MALRD1: variants seen among roughly 807,000 people sequenced by gnomAD.
The protein encoded by MALRD1 is MAM and LDL-receptor class A domain-containing protein 1.
In MALRD1, 247 loss-of-function variants were observed where a neutral mutation model predicts 242.1. The ratio of observed to expected loss-of-function variants is 1.02; its 90% CI spans 0.92 to 1.13. The LOEUF is 1.13. Ranked by LOEUF, MALRD1 falls within the 50% of genes most tolerant of loss-of-function variation. MALRD1 has a pLI of 0.00. For missense variants in MALRD1, 2,989 were observed against 2,533.1 expected (o/e 1.18, Z -3.86); for synonymous variants, 995 against 866.6 (o/e 1.15, Z -2.60).
intron 21 of MALRD1, among the ~76,000 whole-genome samples, chr10:19,296,782 G>A (rs1366422980): frequency 2.0e-5 from 3 of 151,620 alleles, no homozygotes; most frequent in Non-Finnish European, 2.9e-5. Context: ...TGTGATTGAA[G>A]CAATTGTTAA....
chr10:19,627,935 G>A (rs1276934426), intron 36 of MALRD1, among the ~76,000 whole-genome samples: 4 of 151,696 alleles, frequency 2.6e-5, no homozygotes, highest in Non-Finnish European at 5.9e-5. Context: ...GAAAATAAAT[G>A]GTCAACACAC....
At chr10:19,668,462 T>C (rs1244252266) in intron 36 of MALRD1, among the ~76,000 whole-genome samples, 1 of 152,240 alleles carries the variant, frequency 6.6e-6, no homozygotes, top group East Asian at 1.9e-4. Flanking sequence ...TTCAGGGCTT[T>C]AGTCATCAAT....
chr10:19,307,503 A>G (rs1842264386), intron 21 of MALRD1, among the ~76,000 whole-genome samples: 1 of 151,578 alleles, frequency 6.6e-6, no homozygotes, highest in Non-Finnish European at 1.5e-5. Flanking sequence ...CATAAAATAC[A>G]GTTTCAGTGA....
At chr10:19,508,324 C>A (rs1390893965) in intron 31 of MALRD1, among the ~76,000 whole-genome samples, 3 of 151,920 alleles carry the variant, frequency 2.0e-5, no homozygotes, top group Non-Finnish European at 4.4e-5. Context: ...TAAATGTTTC[C>A]TAAGAGTCAG....
At position 19,215,775 on chromosome 10, in the gene MALRD1, ATAAT is replaced by A. The variant is rs1837287554; in HGVS notation, c.2991+6098_2991+6101del. Reference sequence around the variant, plus strand: ...AATTAGTATAAACAAATAATTTAGTATAATTAGTATAAATAAATAGTATATTTAT... The same window carrying A: ...AATTAGTATAAACAAATAATTTAGTATAGTATAAATAAATAGTATATTTAT... On this transcript the variant is annotated intron_variant, in intron 18 of 39. Coordinates refer to ENST00000454679, the MANE Select transcript of MALRD1 (RefSeq NM_001142308.3). 3.9e-5 allele frequency among the ~76,000 whole-genome samples: 2 copies of A among 51,912 alleles called. 1 individual carries two copies. Among genetic ancestry groups the A allele is most frequent in the Non-Finnish European group, 1.1e-4 (2 of 18,766 alleles). The allele number at this position is 51,912 out of a possible 152,430, so 34.1% of individuals were successfully genotyped here.
intron 18 of MALRD1, among the ~76,000 whole-genome samples, chr10:19,237,513 CAT>C (rs34727263): frequency 0.18 from 20,542 of 113,704 alleles, 2,186 homozygotes; most frequent in Admixed American, 0.23. Context: ...TGTGTGTGTC[CAT>C]ATATATATAT....
At chr10:19,641,773 A>AT (rs1454249196) in intron 36 of MALRD1, among the ~76,000 whole-genome samples, 7 of 152,180 alleles carry the variant, frequency 4.6e-5, no homozygotes, top group Admixed American at 2.0e-4. Context: ...AGCAGCATAA[A>AT]TTTAATTACA....
At chr10:19,315,105 A>C (rs1486668030) in intron 21 of MALRD1, among the ~76,000 whole-genome samples, 1 of 140,868 alleles carries the variant, frequency 7.1e-6, no homozygotes, top group African/African-American at 2.6e-5. Flanking sequence ...AATATAATTT[A>C]TAGAAATATG....
At chr10:19,073,046 C>G (rs907972721) in intron 2 of MALRD1, among the ~76,000 whole-genome samples, 19 of 151,772 alleles carry the variant, frequency 1.3e-4, no homozygotes, top group African/African-American at 3.9e-4. Context: ...CCTTGAGTAG[C>G]TGGGATTACA....
chr10:19,332,086 G>C (rs1223815260), intron 24 of MALRD1, among the ~76,000 whole-genome samples: 1 of 151,782 alleles, frequency 6.6e-6, no homozygotes, highest in Admixed American at 6.6e-5. Flanking sequence ...GGATGGTCTT[G>C]ATCTCTGGAC....
chr10:19,538,974 A>G lies in MALRD1; in HGVS notation c.5478+7623A>G, dbSNP rs7086018. On this transcript the variant is annotated intron_variant, in intron 32 of 39. Transcript: ENST00000454679. ...TTCAGTAAAACCCATAGGATAAGACATTTAGCATGTATATGCTCCAGTTCA... is the reference window on the plus strand; with the variant it reads ...TTCAGTAAAACCCATAGGATAAGACGTTTAGCATGTATATGCTCCAGTTCA... 6.3e-3 allele frequency among the ~76,000 whole-genome samples: 958 copies of G among 152,286 alleles called. 8 individuals are homozygous for G. Among genetic ancestry groups the G allele is most frequent in the African/African-American group, 0.019 (805 of 41,556 alleles).
At chr10:19,439,925 G>C (rs1390867924) in intron 28 of MALRD1, among the ~76,000 whole-genome samples, 2 of 151,998 alleles carry the variant, frequency 1.3e-5, no homozygotes, top group Non-Finnish European at 2.9e-5. Context: ...CTTACATTTT[G>C]TTTATTACAT....
chr10:19,544,409 A>G (rs1835113548), intron 32 of MALRD1, among the ~76,000 whole-genome samples: 1 of 151,942 alleles, frequency 6.6e-6, no homozygotes, highest in African/African-American at 2.4e-5. Context: ...GCTGGTCTCG[A>G]ACTCCTGACC....
intron 36 of MALRD1, among the ~76,000 whole-genome samples, chr10:19,686,359 T>C (rs1842580854): frequency 6.6e-6 from 1 of 152,038 alleles, no homozygotes; most frequent in Admixed American, 6.6e-5. Context: ...TGCTTGGGAG[T>C]GGCCGTGCGT....
intron 2 of MALRD1, among the ~76,000 whole-genome samples, chr10:19,067,114 C>A (rs1835005004): frequency 6.6e-6 from 1 of 152,034 alleles, no homozygotes; most frequent in Non-Finnish European, 1.5e-5. Context: ...CCTTGGATTC[C>A]AATAGGTCTG....
At chr10:19,372,627 C>T (rs886311707) in intron 26 of MALRD1, among the ~76,000 whole-genome samples, 4 of 151,878 alleles carry the variant, frequency 2.6e-5, no homozygotes, top group Admixed American at 6.6e-5. Flanking sequence ...ATTATCACGC[C>T]TGGCTAATTT....
At chr10:19,187,942 A>G (rs1484495758) in intron 14 of MALRD1, among the ~76,000 whole-genome samples, 1 of 152,200 alleles carries the variant, frequency 6.6e-6, no homozygotes, top group African/African-American at 2.4e-5. Context: ...TGTATTCACT[A>G]TATCTAAAAT....
rs59570009 is a variant in MALRD1 at position 19,243,544 on chromosome 10, G to C, written c.2992-14140G>C. Among the ~76,000 whole-genome samples the C allele has an allele frequency of 5.6e-3, 856 of 152,062 alleles. 14 individuals carry two copies. The highest frequency in any genetic ancestry group is 0.02 in the African/African-American group (823 of 41,484). On this transcript the variant is annotated intron_variant, in intron 18 of 39. Coordinates refer to ENST00000454679, the MANE Select transcript of MALRD1 (RefSeq NM_001142308.3). The stretch of plus-strand genomic sequence containing the variant: ...CCTTAGAGATTGTGTATTATCCTCA[G>C]ACGTAATTCTTTGATTTTTTTTTCT...
chr10:19,137,862 T>G (rs1309769344), intron 10 of MALRD1, among the ~76,000 whole-genome samples: 1 of 152,198 alleles, frequency 6.6e-6, no homozygotes, highest in African/African-American at 2.4e-5. Flanking sequence ...AAACATGAAT[T>G]CCAAGGATAT....
Sources: allele counts gnomAD v4.1 joint callset (sites outside exome capture counted in the v4.1 genomes callset), GRCh38; gene constraint gnomAD v4.1.1; transcripts MANE v1.5; gene names NCBI Gene and HGNC (gene_info 2026-07-23, HGNC 2026-07-21).